IPMK: variants seen among roughly 807,000 people sequenced by gnomAD.
The protein encoded by IPMK is inositol polyphosphate multikinase.
In IPMK, 17 loss-of-function variants were observed where a neutral mutation model predicts 45.8. That is an observed-to-expected ratio of 0.37 (90% CI 0.25 to 0.56). The LOEUF is 0.56. IPMK is among the 20% of genes least tolerant of loss of function. IPMK has a pLI of 0.79. For synonymous variants in IPMK, 180 were observed against 184.3 expected (o/e 0.98, Z 0.19); for missense variants, 399 against 498.0 (o/e 0.80, Z 1.89).
Position 58,211,901 on chromosome 10 carries a change from C to CAA in IPMK, c.546+4242_546+4243dup, listed in dbSNP as rs753050298. Among the ~76,000 whole-genome samples, 503 of 50,304 alleles carry CAA rather than the reference C, an allele frequency of 1.0e-2. 6 individuals are homozygous for CAA. The highest frequency in any genetic ancestry group is 0.014 in the African/African-American group (149 of 11,028). The allele number at this position is 50,304 out of a possible 152,430, so 33.0% of individuals were successfully genotyped here. A position where few individuals can be genotyped will look rare whatever the true frequency, so the allele number is the denominator to read the frequency against. ...CACTCCAGCCTGGGTGACATCTCAC[C>CAA]AAAAAAAAAAAAAAAAAAAAAAAAT... On this transcript the variant is annotated intron_variant, in intron 4 of 5. Transcript: ENST00000373935.
At chr10:58,249,176 T>C (rs989512610) in intron 1 of IPMK, among the ~76,000 whole-genome samples, 2 of 152,242 alleles carry the variant, frequency 1.3e-5, no homozygotes, top group Non-Finnish European at 2.9e-5. Context: ...TTTCTCCACA[T>C]CCTTGGCAGC....
intron 4 of IPMK, among the ~76,000 whole-genome samples, chr10:58,206,770 C>T (rs994892086): frequency 4.6e-5 from 7 of 152,062 alleles, no homozygotes; most frequent in Non-Finnish European, 7.4e-5. Flanking sequence ...AGTCTTATCC[C>T]TCACCTGCAT....
intron 1 of IPMK, among the ~76,000 whole-genome samples, chr10:58,242,799 G>A (rs536961286): frequency 1.3e-5 from 2 of 152,270 alleles, no homozygotes; most frequent in African/African-American, 4.8e-5. Flanking sequence ...ATCTCATGTT[G>A]AATTGTAATC....
Position 58,199,295 on chromosome 10 carries a change from A to G in IPMK, c.573T>C (p.Tyr191=). The part of the protein sequence containing the change: ...MRVYHVHSDS[Y]ETENQHYGRS... The stretch of plus-strand genomic sequence containing the variant: ...TTCCGTAATGCTGGTTTTCTGTCTC[A>G]TAGCTATCGGAATGAACATGATAAA... Residue 191 remains tyrosine, a synonymous_variant, in exon 5 of 6, where the codon TAT becomes TAC. Transcript: ENST00000373935. 6.2e-7 allele frequency: 1 copy of G among 1,608,768 alleles called. No individual in the cohort carries two copies. Among genetic ancestry groups the G allele is most frequent in the Non-Finnish European group, 8.5e-7 (1 of 1,177,380 alleles).
rs1839173592 is a variant in IPMK, at chr10:58,267,669, G to C, written c.-58C>G. 9.0e-7 allele frequency: 1 copy of C among 1,116,290 alleles called. No individual in the cohort carries two copies. Among genetic ancestry groups the C allele is most frequent in the East Asian group, 2.6e-5 (1 of 38,628 alleles). The allele number at this position is 1,116,290 out of a possible 1,614,324, so 69.1% of individuals were successfully genotyped here. A position where few individuals can be genotyped will look rare whatever the true frequency, so the allele number is the denominator to read the frequency against. Reference sequence around the variant, plus strand: ...GTAGGAAAAAAAATAGGGCGAGGGAGGGGGCGCCGGAGAACCCGAGGGTCG... The same window carrying C: ...GTAGGAAAAAAAATAGGGCGAGGGACGGGGCGCCGGAGAACCCGAGGGTCG... On this transcript the variant is annotated 5_prime_UTR_variant, in exon 1 of 6. Coordinates refer to ENST00000373935, the MANE Select transcript of IPMK (RefSeq NM_152230.5).
At chr10:58,242,482 A>G (rs1838711156) in intron 1 of IPMK, among the ~76,000 whole-genome samples, 1 of 151,188 alleles carries the variant, frequency 6.6e-6, no homozygotes, top group Admixed American at 6.6e-5. Flanking sequence ...AAAAGAAAAG[A>G]AAACAAAAGA....
At chr10:58,247,929 A>G (rs1365175587) in intron 1 of IPMK, among the ~76,000 whole-genome samples, 1 of 152,214 alleles carries the variant, frequency 6.6e-6, no homozygotes, top group Non-Finnish European at 1.5e-5. Flanking sequence ...CTAATTAGCT[A>G]GTGGATATCC....
chr10:58,249,317 C>T (rs1417818258), intron 1 of IPMK, among the ~76,000 whole-genome samples: 1 of 152,160 alleles, frequency 6.6e-6, no homozygotes, highest in Non-Finnish European at 1.5e-5. Flanking sequence ...ATCCTCAGGG[C>T]TCAAGCAATC....
intron 4 of IPMK, among the ~76,000 whole-genome samples, chr10:58,212,209 TAAC>T (rs1236241976): frequency 3.3e-5 from 5 of 152,220 alleles, no homozygotes; most frequent in Non-Finnish European, 5.9e-5. Context: ...GAAAGTTATT[TAAC>T]AACAGTCTTA....
At chr10:58,248,737 C>A (rs1343324157) in intron 1 of IPMK, among the ~76,000 whole-genome samples, 2 of 152,226 alleles carry the variant, frequency 1.3e-5, no homozygotes, top group African/African-American at 4.8e-5. Context: ...ATCCTACTCT[C>A]TACCACCATG....
chr10:58,235,829 GAAAA>G (rs1019469352), intron 2 of IPMK, among the ~76,000 whole-genome samples: 13 of 151,464 alleles, frequency 8.6e-5, no homozygotes, highest in Non-Finnish European at 2.9e-5. Flanking sequence ...TAAAAAAAAA[GAAAA>G]AGAAAGAGAG....
intron 1 of IPMK, among the ~76,000 whole-genome samples, chr10:58,263,212 C>A (rs755114755): frequency 2.6e-5 from 4 of 151,478 alleles, no homozygotes; most frequent in Non-Finnish European, 5.9e-5. Flanking sequence ...AAAGCCAGAT[C>A]CCATCTCTAC....
chr10:58,251,988 T>C (rs950860963), intron 1 of IPMK, among the ~76,000 whole-genome samples: 1 of 152,252 alleles, frequency 6.6e-6, no homozygotes, highest in Non-Finnish European at 1.5e-5. Context: ...CAAGGTATGA[T>C]AGGTAAGGGT....
intron 3 of IPMK, among the ~76,000 whole-genome samples, chr10:58,224,278 C>G (rs933922553): frequency 6.6e-6 from 1 of 152,152 alleles, no homozygotes; most frequent in African/African-American, 2.4e-5. Flanking sequence ...TTTTTCAAAC[C>G]TACTCGATGT....
chr10:58,228,522 T>G (rs1838455973), intron 2 of IPMK, among the ~76,000 whole-genome samples: 1 of 152,220 alleles, frequency 6.6e-6, no homozygotes, highest in Admixed American at 6.5e-5. Context: ...CCTAAAAACC[T>G]TTCTTTTTTG....
At chr10:58,253,562 A>G (rs1053077873) in intron 1 of IPMK, among the ~76,000 whole-genome samples, 1 of 151,870 alleles carries the variant, frequency 6.6e-6, no homozygotes, top group Non-Finnish European at 1.5e-5. Context: ...ACACAGTGAA[A>G]CCCTGTCTCT....
At chr10:58,244,589 G>A (rs1020960850) in intron 1 of IPMK, among the ~76,000 whole-genome samples, 1 of 151,362 alleles carries the variant, frequency 6.6e-6, no homozygotes, top group East Asian at 1.9e-4. Context: ...TGGTTTTGTC[G>A]AAAAAAAAGA....
chr10:58,220,024 AT>A (rs1838307539), intron 3 of IPMK, among the ~76,000 whole-genome samples: 1 of 152,190 alleles, frequency 6.6e-6, no homozygotes, highest in South Asian at 2.1e-4. Flanking sequence ...CAACACCATC[AT>A]ACTTTGGGAA....
chr10:58,246,857 G>C (rs1338984396), intron 1 of IPMK, among the ~76,000 whole-genome samples: 1 of 151,574 alleles, frequency 6.6e-6, no homozygotes, highest in Non-Finnish European at 1.5e-5. Context: ...TACCATCAGA[G>C]TGAACAAGCA....
Sources: gnomAD v4.1 joint callset for allele counts (sites outside exome capture counted in the v4.1 genomes callset) on GRCh38, gnomAD v4.1.1 for gene constraint, MANE v1.5 for transcripts, NCBI Gene and HGNC (gene_info 2026-07-23, HGNC 2026-07-21) for gene names.